Variants in ROCK2 observed in about 807,000 individuals in gnomAD.
ROCK2 encodes the protein rho-associated protein kinase 2.
A neutral mutation model predicts 195.1 loss-of-function variants in ROCK2; 61 were observed. That is an observed-to-expected ratio of 0.31 (90% confidence interval 0.25 to 0.39). ROCK2 has a LOEUF of 0.39. Among genes scored for constraint, ROCK2 ranks in the 10% least tolerant of loss-of-function variants. The pLI is 1.00. For synonymous variants in ROCK2, 504 were observed against 545.5 expected (o/e 0.92, Z 1.06); for missense variants, 1,109 against 1,637.4 (o/e 0.68, Z 5.57).
chr2:11,307,926 C>A, intron 1 of ROCK2: 1 of 1,406,758 alleles, frequency 7.1e-7, no homozygotes, highest in Non-Finnish European at 9.3e-7. Context: ...AGCGGTCCTC[C>A]TGGCCCTGTT....
chr2:11,340,838 T>A (rs1008011534), intron 1 of ROCK2, among the ~76,000 whole-genome samples: 28 of 152,142 alleles, frequency 1.8e-4, no homozygotes, highest in Admixed American at 1.1e-3. Context: ...AAGTCTTAAG[T>A]AAGAGTTTAC....
In ROCK2 at chr2:11,208,003, A is replaced by AT. The variant is rs1055822909; in HGVS notation, c.2365-94dup. ...TATAAAATATGGTGATGTAAAACAG[A>AT]TTTTTTTACCCTTAGGTAGCTAATT... On this transcript the variant is annotated intron_variant, in intron 19 of 32. Transcript: ENST00000315872. 23 of 949,518 alleles carry AT rather than the reference A, an allele frequency of 2.4e-5. No individual in the cohort carries two copies. The East Asian group carries it at 3.8e-4, about 16-fold the overall frequency. The allele number at this position is 949,518 out of a possible 1,614,324, so 58.8% of individuals were successfully genotyped here.
At position 11,344,171 on chromosome 2, in the gene ROCK2, C is replaced by A. The variant is rs1669205556; in HGVS notation, c.-35G>T. The A allele has an allele frequency of 1.4e-6, 2 of 1,392,442 alleles. No homozygotes were observed. Among genetic ancestry groups the A allele is most frequent in the African/African-American group, 3.1e-5 (2 of 65,154 alleles). The allele number at this position is 1,392,442 out of a possible 1,614,324, so 86.3% of individuals were successfully genotyped here. The stretch of plus-strand genomic sequence containing the variant: ...GCTGGACCCGCACTCAGGCTCCTCG[C>A]GCTCAGGTCCCGCAGCCTCGGGGCC... On this transcript the variant is annotated 5_prime_UTR_variant, in exon 1 of 33. Coordinates refer to ENST00000315872, the MANE Select transcript of ROCK2 (RefSeq NM_004850.5). The surrounding 1 kb of genome is among the most constrained non-coding windows in gnomAD (Gnocchi z 5.4).
intron 1 of ROCK2, among the ~76,000 whole-genome samples, chr2:11,306,196 A>G (rs72789519): frequency 0.043 from 6,473 of 152,246 alleles, 280 homozygotes; most frequent in Non-Finnish European, 0.06. Flanking sequence ...TTGTTTCAAA[A>G]TAAGAAGTTT....
At chr2:11,244,598 C>A (rs903031803) in intron 4 of ROCK2, among the ~76,000 whole-genome samples, 2 of 151,522 alleles carry the variant, frequency 1.3e-5, no homozygotes, top group Non-Finnish European at 2.9e-5. Context: ...AGACCCCAAT[C>A]TTTACCAAAG....
rs1664653991 is a variant in ROCK2, at chr2:11,222,001, T to A, written c.1099+82A>T. ...TGAGTTAGCATTAAGTGTTATCAAA[T>A]ATGCTTGTTATTTCAAAAAAGGAAT... On this transcript the variant is annotated intron_variant, in intron 8 of 32. Coordinates refer to ENST00000315872, the MANE Select transcript of ROCK2 (RefSeq NM_004850.5). 3 of 802,410 alleles carry A rather than the reference T, an allele frequency of 3.7e-6. No homozygotes were observed. In the Admixed American group the frequency reaches 5.6e-5, roughly 15 times the overall value. 49.7% of individuals were successfully genotyped at this position (802,410 alleles called of 1,614,324 possible). A position where few individuals can be genotyped will look rare whatever the true frequency, so the allele number is the denominator to read the frequency against.
intron 1 of ROCK2, among the ~76,000 whole-genome samples, chr2:11,298,734 C>A (rs752540941): frequency 3.3e-5 from 5 of 152,084 alleles, no homozygotes; most frequent in Non-Finnish European, 7.4e-5. Context: ...AGAAGTCACA[C>A]GACTTTATAC....
At chr2:11,244,137 T>C (rs1301023987) in intron 4 of ROCK2, among the ~76,000 whole-genome samples, 1 of 152,158 alleles carries the variant, frequency 6.6e-6, no homozygotes, top group Non-Finnish European at 1.5e-5. Context: ...CAGAAAAGAA[T>C]TTCATTCTTG....
At chr2:11,339,418 T>C (rs544980639) in intron 1 of ROCK2, among the ~76,000 whole-genome samples, 1 of 152,078 alleles carries the variant, frequency 6.6e-6, no homozygotes, top group Admixed American at 6.6e-5. Flanking sequence ...TTAAGTTGAC[T>C]GAACATAGTA....
intron 32 of ROCK2, among the ~76,000 whole-genome samples, chr2:11,190,489 A>G (rs1442264728): frequency 2.0e-5 from 3 of 152,206 alleles, no homozygotes; most frequent in Admixed American, 6.5e-5. Context: ...AGCCTGTTAC[A>G]TAACTGGGAG....
At chr2:11,262,985 T>G (rs1666286179) in intron 3 of ROCK2, among the ~76,000 whole-genome samples, 1 of 152,136 alleles carries the variant, frequency 6.6e-6, no homozygotes, top group African/African-American at 2.4e-5. Context: ...ACAAAAAAAA[T>G]GTTCTCACAT....
intron 1 of ROCK2, among the ~76,000 whole-genome samples, chr2:11,330,744 GGAGGGA>G (rs1668696509): frequency 8.8e-6 from 1 of 113,372 alleles, no homozygotes; most frequent in East Asian, 3.0e-4. Context: ...TGAGGAGGGA[GGAGGGA>G]GGAGGAGGAG....
At chr2:11,323,502 G>A (rs1269355570) in intron 1 of ROCK2, among the ~76,000 whole-genome samples, 1 of 152,138 alleles carries the variant, frequency 6.6e-6, no homozygotes, top group African/African-American at 2.4e-5. Flanking sequence ...CAGATGTTCT[G>A]ACTTTAATAT....
intron 32 of ROCK2, among the ~76,000 whole-genome samples, chr2:11,189,963 C>T: frequency 6.6e-6 from 1 of 151,916 alleles, no homozygotes; most frequent in East Asian, 1.9e-4. Context: ...CCATTGCACT[C>T]CAGCCTGGGC....
At chr2:11,249,372 T>C (rs1312909664) in intron 4 of ROCK2, among the ~76,000 whole-genome samples, 1 of 152,188 alleles carries the variant, frequency 6.6e-6, no homozygotes, top group East Asian at 1.9e-4. Flanking sequence ...CAAGAATAAG[T>C]GGGTATGAAA....
chr2:11,189,950 G>A (rs554725501), intron 32 of ROCK2, among the ~76,000 whole-genome samples: 2 of 151,916 alleles, frequency 1.3e-5, no homozygotes, highest in African/African-American at 2.4e-5. Context: ...AGTCATGATC[G>A]TGCCATTGCA....
At chr2:11,270,971 A>G (rs1666606851) in intron 3 of ROCK2, among the ~76,000 whole-genome samples, 1 of 152,116 alleles carries the variant, frequency 6.6e-6, no homozygotes, top group African/African-American at 2.4e-5. Flanking sequence ...TAAGGTGTAG[A>G]GTGAGGCAAT....
chr2:11,218,381 A>G, intron 11 of ROCK2, 74 bp downstream of exon 11: 1 of 1,153,762 alleles, frequency 8.7e-7, no homozygotes, highest in Non-Finnish European at 1.2e-6. Flanking sequence ...TAGGTAGGAT[A>G]TGACTATATT....
intron 4 of ROCK2, among the ~76,000 whole-genome samples, chr2:11,244,631 A>C (rs1346627104): frequency 1.3e-5 from 2 of 151,874 alleles, no homozygotes; most frequent in African/African-American, 4.8e-5. Context: ...ATGGTGGTAC[A>C]TGCCTGCAGT....
Sources: gnomAD v4.1 joint callset for allele counts (sites outside exome capture counted in the v4.1 genomes callset) on GRCh38, gnomAD v4.1.1 for gene constraint, Gnocchi (gnomAD v3.1) non-coding constraint, MANE v1.5 for transcripts, NCBI Gene and HGNC (gene_info 2026-07-23, HGNC 2026-07-21) for gene names.